The following SND1 variants were observed in gnomAD, a reference collection of about 807,000 sequenced individuals.
SND1 encodes the protein staphylococcal nuclease and tudor domain containing 1, also known as staphylococcal nuclease domain-containing protein 1.
Under a neutral mutation model 121.7 loss-of-function variants are expected in SND1, and 38 were observed. The ratio of observed to expected loss-of-function variants is 0.31; its 90% confidence interval spans 0.24 to 0.41. The LOEUF is 0.41. SND1 is among the 10% of genes least tolerant of loss of function. The pLI, the probability that SND1 is intolerant of heterozygous loss-of-function variation, is 1.00. For missense variants in SND1, 868 were observed against 1,184.6 expected (o/e 0.73, Z 3.92); for synonymous variants, 401 against 447.4 (o/e 0.90, Z 1.31).
At chr7:127,970,439 A>G (rs1454808258) in intron 15 of SND1, among the ~76,000 whole-genome samples, 2 of 152,214 alleles carry the variant, frequency 1.3e-5, no homozygotes, top group Admixed American at 6.5e-5. Context: ...TTCTCCAGCT[A>G]TAACATTTTG....
intron 12 of SND1, among the ~76,000 whole-genome samples, chr7:127,887,552 T>C (rs1162369587): frequency 6.6e-6 from 1 of 152,112 alleles, no homozygotes; most frequent in Admixed American, 6.5e-5. Flanking sequence ...TCTATGTGCC[T>C]AATATTTTAT....
intron 13 of SND1, among the ~76,000 whole-genome samples, chr7:127,897,392 T>A (rs1438984013): frequency 6.6e-6 from 1 of 152,182 alleles, no homozygotes; most frequent in Non-Finnish European, 1.5e-5. Flanking sequence ...GTTTGTGTTA[T>A]GTAACAAGTA....
intron 2 of SND1, among the ~76,000 whole-genome samples, chr7:127,691,212 A>G (rs1023442240): frequency 7.3e-6 from 1 of 136,198 alleles, no homozygotes; most frequent in African/African-American, 2.5e-5. Context: ...AAACCTATTG[A>G]AATAAAAAAA....
chr7:127,801,880 C>T (rs561762480), intron 10 of SND1, among the ~76,000 whole-genome samples: 32 of 152,118 alleles, frequency 2.1e-4, no homozygotes, highest in South Asian at 4.1e-4. Context: ...CTTGCTCTGT[C>T]GCCCCCGCTG....
At chr7:127,872,804 TAAG>T (rs1455358996) in intron 12 of SND1, among the ~76,000 whole-genome samples, 2 of 152,188 alleles carry the variant, frequency 1.3e-5, no homozygotes, top group Admixed American at 6.5e-5. Context: ...TTTTAACTGG[TAAG>T]AAGTTTACTG....
intron 11 of SND1, among the ~76,000 whole-genome samples, chr7:127,820,077 T>G (rs1348519578): frequency 6.6e-6 from 1 of 152,216 alleles, no homozygotes; most frequent in East Asian, 1.9e-4. Flanking sequence ...CCACCTCTGC[T>G]TATGTTACCA....
chr7:128,006,897 CG>C (rs1563086547), intron 16 of SND1, among the ~76,000 whole-genome samples: 1 of 152,156 alleles, frequency 6.6e-6, no homozygotes, highest in Non-Finnish European at 1.5e-5. Context: ...GCATGGAGGT[CG>C]CAGTCTTTGT....
At chr7:127,926,764 T>TGTA (rs770811540) in intron 14 of SND1, among the ~76,000 whole-genome samples, 173 of 150,330 alleles carry the variant, frequency 1.2e-3, no homozygotes, top group African/African-American at 2.7e-3. Context: ...TTGTTGTTGT[T>TGTA]GTACTTTTAG....
intron 16 of SND1, among the ~76,000 whole-genome samples, chr7:128,055,929 G>A (rs1173950937): frequency 1.3e-5 from 2 of 152,160 alleles, no homozygotes; most frequent in Non-Finnish European, 2.9e-5. Context: ...GCTGCCTGCT[G>A]ACTAGTGACA....
intron 6 of SND1, 111 bp from the exon 7 acceptor site, chr7:127,703,054 C>T: frequency 8.5e-7 from 1 of 1,181,800 alleles, no homozygotes; most frequent in Non-Finnish European, 1.2e-6. Flanking sequence ...TTAAGACCTT[C>T]CTGAGTTTAG....
chr7:127,672,693 A>C (rs1202901574), intron 1 of SND1, among the ~76,000 whole-genome samples: 1 of 152,012 alleles, frequency 6.6e-6, no homozygotes, highest in Non-Finnish European at 1.5e-5. Context: ...AGATTTTGCC[A>C]GTTGCCCCAG....
At chr7:127,733,087 C>T (rs1796707987) in intron 10 of SND1, among the ~76,000 whole-genome samples, 1 of 151,864 alleles carries the variant, frequency 6.6e-6, no homozygotes, top group African/African-American at 2.4e-5. Flanking sequence ...CTTTAACTTT[C>T]TCTCTCTCTC....
intron 15 of SND1, among the ~76,000 whole-genome samples, chr7:127,979,522 C>G (rs1300228729): frequency 6.6e-6 from 1 of 152,070 alleles, no homozygotes; most frequent in Non-Finnish European, 1.5e-5. Context: ...AGTTACAGAA[C>G]AGGTGACTCT....
intron 10 of SND1, among the ~76,000 whole-genome samples, chr7:127,764,855 C>T (rs146511082): frequency 1.7e-3 from 260 of 152,208 alleles, no homozygotes; most frequent in African/African-American, 5.9e-3. Flanking sequence ...CTGGTGAAGT[C>T]GATCGAGGTA....
intron 13 of SND1, among the ~76,000 whole-genome samples, chr7:127,896,934 C>T (rs1800130239): frequency 6.6e-6 from 1 of 152,134 alleles, no homozygotes; most frequent in Non-Finnish European, 1.5e-5. Context: ...ATATCCCTAT[C>T]ATGCTTCTGC....
At chr7:127,781,022 G>C (rs1024128494) in intron 10 of SND1, among the ~76,000 whole-genome samples, 1 of 152,182 alleles carries the variant, frequency 6.6e-6, no homozygotes, top group South Asian at 2.1e-4. Context: ...GACTAGGTTT[G>C]TTCTGCGGGA....
At chr7:128,084,273 G>A (rs957142740) in intron 18 of SND1, among the ~76,000 whole-genome samples, 3 of 152,224 alleles carry the variant, frequency 2.0e-5, no homozygotes, top group African/African-American at 7.2e-5. Flanking sequence ...AGTGGCTTCT[G>A]TCAGTTACCA....
intron 13 of SND1, among the ~76,000 whole-genome samples, chr7:127,903,151 AG>A (rs895467943): frequency 4.8e-4 from 73 of 151,870 alleles, no homozygotes; most frequent in African/African-American, 1.6e-3. Flanking sequence ...CAAAGTGCTG[AG>A]ATTACAGGCT....
intron 16 of SND1, among the ~76,000 whole-genome samples, chr7:128,021,502 G>C (rs1803348782): frequency 6.6e-6 from 1 of 152,346 alleles, no homozygotes; most frequent in South Asian, 2.1e-4. Context: ...AAGGGAGGAA[G>C]CCAGGGTCTT....
Sources: gnomAD v4.1 joint callset for allele counts (sites outside exome capture counted in the v4.1 genomes callset) on GRCh38, gnomAD v4.1.1 for gene constraint, MANE v1.5 for transcripts, NCBI Gene and HGNC (gene_info 2026-07-23, HGNC 2026-07-21) for gene names.